The following POP1 variants were observed in gnomAD, a reference collection of about 807,000 sequenced individuals.
The protein encoded by POP1 is POP1 ribonuclease P/MRP subunit.
Under a neutral mutation model 102.2 loss-of-function variants are expected in POP1, and 75 were observed. The ratio of observed to expected loss-of-function variants is 0.73; its 90% CI spans 0.61 to 0.89. The LOEUF is 0.89. POP1 is among the 40% of genes least tolerant of loss of function. The pLI is 0.00. For missense variants in POP1, 1,116 were observed against 1,267.4 expected (o/e 0.88, Z 1.81); for synonymous variants, 436 against 464.1 (o/e 0.94, Z 0.78).
chr8:98,124,075 T>TGCAGAAATGGGCAGAGGATGGAG (rs1199840972), intron 2 of POP1, among the ~76,000 whole-genome samples: 1 of 152,154 alleles, frequency 6.6e-6, no homozygotes, highest in Non-Finnish European at 1.5e-5. Flanking sequence ...CCAGCTGTCA[T>TGCAGAAATGGGCAGAGGATGGAG]GCAGAAATGG....
chr8:98,154,234 G>T (rs192088550), intron 14 of POP1, among the ~76,000 whole-genome samples: 7 of 152,302 alleles, frequency 4.6e-5, no homozygotes, highest in Admixed American at 6.5e-5. Context: ...TTCTTCCTCC[G>T]CTGTGCTCTG....
intron 9 of POP1, 48 bp from the exon 10 acceptor site, chr8:98,140,030 A>G: frequency 7.1e-7 from 1 of 1,411,218 alleles, no homozygotes; most frequent in Non-Finnish European, 1.0e-6. Flanking sequence ...CAAAATTATG[A>G]AGGTGGATTC....
At chr8:98,123,067 C>G (rs1314418046) in intron 1 of POP1, among the ~76,000 whole-genome samples, 2 of 152,188 alleles carry the variant, frequency 1.3e-5, no homozygotes, top group Admixed American at 6.5e-5. Context: ...CTTATTTCAT[C>G]TAATAATCAA....
intron 1 of POP1, among the ~76,000 whole-genome samples, chr8:98,118,443 C>T (rs1563767494): frequency 1.3e-5 from 2 of 151,694 alleles, no homozygotes; most frequent in Admixed American, 6.6e-5. Context: ...TTCTTTCTTT[C>T]AAGACAGGAT....
Position 98,156,389 on chromosome 8 carries a change from AG to A in POP1, c.2400del (p.Ser801ValfsTer12). ...EASENHVAAT[G>X]SHLCVLRSRK... Reference sequence around the variant, plus strand: ...CCAGTGAAAACCATGTTGCTGCCACAGGGAGTCACCTCTGCGTTCTCAGGTA... The same window carrying A: ...CCAGTGAAAACCATGTTGCTGCCACAGGAGTCACCTCTGCGTTCTCAGGTA... On this transcript the variant is annotated frameshift_variant, in exon 15 of 16. Transcript: ENST00000401707. LOFTEE classifies it low-confidence loss of function (END_TRUNC). 6.2e-7 allele frequency: 1 copy of A among 1,613,850 alleles called. No individual in the cohort carries two copies. Among genetic ancestry groups the A allele is most frequent in the Non-Finnish European group, 8.5e-7 (1 of 1,179,992 alleles).
Position 98,158,277 on chromosome 8 carries a change from T to C in POP1, c.*6T>C, listed in dbSNP as rs762325738. The C allele has an allele frequency of 3.7e-6, 6 of 1,607,106 alleles. No individual in the cohort carries two copies. The highest frequency in any genetic ancestry group is 1.7e-4 in the Middle Eastern group (1 of 5,944). ...GGATTGCTATTGAGGTGTGAATGCG[T>C]GCTTGTATCCCAGCAGGGCATAGAT... On this transcript the variant is annotated 3_prime_UTR_variant, in exon 16 of 16. Transcript: ENST00000401707.
chr8:98,118,090 A>G (rs545820700), intron 1 of POP1, among the ~76,000 whole-genome samples: 2 of 152,232 alleles, frequency 1.3e-5, no homozygotes, highest in Non-Finnish European at 2.9e-5. Context: ...AGATAATACA[A>G]GAAAATCTGC....
intron 15 of POP1, among the ~76,000 whole-genome samples, chr8:98,157,230 C>T (rs1486857562): frequency 6.6e-6 from 1 of 152,104 alleles, no homozygotes; most frequent in East Asian, 1.9e-4. Context: ...CTTACTTTTC[C>T]GTATAGTAGC....
Position 98,140,749 on chromosome 8 carries a change from T to C in POP1, c.1475-20T>C. On this transcript the variant is annotated intron_variant, in intron 10 of 15. Coordinates refer to ENST00000401707, the MANE Select transcript of POP1 (RefSeq NM_001145860.2). ...TATTATGAATGACTTTCTGTAAACT[T>C]CTTTTTGTTGTTGTTAAAGGAATAA... 1 of 1,613,010 alleles carries C rather than the reference T, an allele frequency of 6.2e-7. No individual in the cohort carries two copies. Among genetic ancestry groups the C allele is most frequent in the Non-Finnish European group, 8.5e-7 (1 of 1,179,028 alleles).
intron 12 of POP1, among the ~76,000 whole-genome samples, chr8:98,147,242 C>T (rs1260626723): frequency 5.3e-5 from 8 of 152,172 alleles, no homozygotes; most frequent in Non-Finnish European, 7.3e-5. Flanking sequence ...ATGAGGCCAG[C>T]CTCCTGATGG....
chr8:98,155,314 C>T (rs541660933), intron 14 of POP1, among the ~76,000 whole-genome samples: 4 of 152,124 alleles, frequency 2.6e-5, no homozygotes, highest in Non-Finnish European at 4.4e-5. Context: ...GATGGAGTTT[C>T]GCTTTTGTCA....
At chr8:98,129,569 G>A (rs916924465) in intron 4 of POP1, among the ~76,000 whole-genome samples, 2 of 152,086 alleles carry the variant, frequency 1.3e-5, no homozygotes, top group African/African-American at 4.8e-5. Flanking sequence ...TATTATTTTT[G>A]GTCTTAAGTT....
chr8:98,141,883 A>T lies in POP1; in HGVS notation c.1594+995A>T, dbSNP rs1206147417. 2.6e-5 allele frequency among the ~76,000 whole-genome samples: 4 copies of T among 151,254 alleles called. No homozygotes were observed. The East Asian group carries it at 7.8e-4, about 29-fold the overall frequency. On this transcript the variant is annotated intron_variant, in intron 11 of 15. Coordinates refer to ENST00000401707, the MANE Select transcript of POP1 (RefSeq NM_001145860.2). ...ACGCCTGGCCCAGAATTTTTTTTTTAATGTAGTTAGATAGCTTATTGATGG... is the reference window on the plus strand; with the variant it reads ...ACGCCTGGCCCAGAATTTTTTTTTTTATGTAGTTAGATAGCTTATTGATGG...
chr8:98,127,836 C>A, intron 3 of POP1, 74 bp downstream of exon 3: 1 of 1,495,782 alleles, frequency 6.7e-7, no homozygotes, highest in Admixed American at 1.7e-5. Context: ...AAACTGCCCT[C>A]CTTGTGGTCC....
At chr8:98,155,972 C>G in intron 14 of POP1, 78 bp from the exon 15 acceptor site, 1 of 1,011,460 alleles carries the variant, frequency 9.9e-7, no homozygotes, top group Non-Finnish European at 1.5e-6. Flanking sequence ...AATAGAGATG[C>G]ATTATAATGG....
intron 3 of POP1, 68 bp from the exon 4 acceptor site, chr8:98,128,297 G>T (rs1816270578): frequency 1.3e-6 from 2 of 1,495,610 alleles, no homozygotes; most frequent in Non-Finnish European, 1.9e-6. Context: ...AGTTTCCCCA[G>T]CAGCCTGTTT....
At chr8:98,150,740 A>G (rs929210529) in intron 14 of POP1, 101 bp downstream of exon 14, 104 of 1,122,658 alleles carry the variant, frequency 9.3e-5, no homozygotes, top group Non-Finnish European at 1.7e-5. Context: ...GTAATTTCAT[A>G]GACTTTTCAG....
chr8:98,137,489 T>C (rs528673706), intron 9 of POP1, among the ~76,000 whole-genome samples: 4 of 152,224 alleles, frequency 2.6e-5, no homozygotes, highest in Admixed American at 2.0e-4. Flanking sequence ...GGTTTCACCA[T>C]GTTGGACAGG....
intron 14 of POP1, among the ~76,000 whole-genome samples, chr8:98,151,211 A>G (rs1299663633): frequency 6.6e-6 from 1 of 151,976 alleles, no homozygotes; most frequent in Non-Finnish European, 1.5e-5. Flanking sequence ...TCACCCGTGT[A>G]GCTGAGAGTA....
Sources: allele counts gnomAD v4.1 joint callset (sites outside exome capture counted in the v4.1 genomes callset), GRCh38; gene constraint gnomAD v4.1.1; transcripts MANE v1.5; gene names NCBI Gene and HGNC (gene_info 2026-07-23, HGNC 2026-07-21).